Variants in RBMS3 observed in about 807,000 individuals in gnomAD.
The protein encoded by RBMS3 is RNA-binding motif, single-stranded-interacting protein 3.
A neutral mutation model predicts 66.8 loss-of-function variants in RBMS3; 27 were observed. The observed-to-expected ratio is 0.40, with a 90% CI of 0.30 to 0.56. The LOEUF (loss-of-function observed/expected upper bound fraction) is 0.56, where lower values mean the gene tolerates loss of function less well. Among genes scored for constraint, RBMS3 ranks in the 20% least tolerant of loss-of-function variants. The pLI is 0.40. For synonymous variants in RBMS3, 188 were observed against 183.0 expected (o/e 1.03, Z -0.22); for missense variants, 513 against 549.5 (o/e 0.93, Z 0.66).
At chr3:29,401,420 C>A (rs2039804490) in intron 1 of RBMS3, among the ~76,000 whole-genome samples, 1 of 151,984 alleles carries the variant, frequency 6.6e-6, no homozygotes, top group South Asian at 2.1e-4. Flanking sequence ...GCATTTACAG[C>A]CTAACATTTC....
intron 6 of RBMS3, among the ~76,000 whole-genome samples, chr3:29,794,438 T>C (rs2057114513): frequency 6.6e-6 from 1 of 151,882 alleles, no homozygotes; most frequent in Admixed American, 6.6e-5. Flanking sequence ...TACAAAAAAT[T>C]AGCCAGGCAT....
At chr3:29,409,358 C>A (rs2040168547) in intron 1 of RBMS3, among the ~76,000 whole-genome samples, 1 of 151,922 alleles carries the variant, frequency 6.6e-6, no homozygotes, top group Admixed American at 6.6e-5. Flanking sequence ...TTATCTCATT[C>A]TCCAGAGTCT....
intron 9 of RBMS3, among the ~76,000 whole-genome samples, chr3:29,898,781 T>C (rs545493645): frequency 1.5e-4 from 23 of 149,032 alleles, no homozygotes; most frequent in Non-Finnish European, 1.3e-4. Flanking sequence ...CCTTTTTTTT[T>C]CTAATCTTGG....
At chr3:29,917,353 A>G (rs780790841) in intron 10 of RBMS3, among the ~76,000 whole-genome samples, 2 of 152,036 alleles carry the variant, frequency 1.3e-5, no homozygotes, top group African/African-American at 4.8e-5. Flanking sequence ...AGACGCTTAG[A>G]TGTTCCAAAA....
chr3:29,853,894 G>C (rs994619690), intron 6 of RBMS3, among the ~76,000 whole-genome samples: 1 of 152,142 alleles, frequency 6.6e-6, no homozygotes, highest in Non-Finnish European at 1.5e-5. Context: ...AGGGAGACCT[G>C]GGTGATCAGC....
intron 4 of RBMS3, among the ~76,000 whole-genome samples, chr3:29,706,362 A>G (rs1408088729): frequency 1.3e-5 from 2 of 152,174 alleles, no homozygotes; most frequent in Admixed American, 6.5e-5. Context: ...TTTCTTTGCT[A>G]TGCAAGGAGG....
At chr3:29,974,071 A>G (rs1361984364) in intron 12 of RBMS3, among the ~76,000 whole-genome samples, 1 of 151,882 alleles carries the variant, frequency 6.6e-6, no homozygotes, top group African/African-American at 2.4e-5. Context: ...ATTCTTTTGA[A>G]CAGCTGGATA....
intron 11 of RBMS3, among the ~76,000 whole-genome samples, chr3:29,941,965 T>C (rs1175061077): frequency 6.6e-6 from 1 of 151,844 alleles, no homozygotes; most frequent in Non-Finnish European, 1.5e-5. Context: ...GATAGCAAGG[T>C]AGTCAGTCGA....
chr3:29,651,284 T>C (rs2050135984), intron 4 of RBMS3, among the ~76,000 whole-genome samples: 1 of 152,240 alleles, frequency 6.6e-6, no homozygotes, highest in Non-Finnish European at 1.5e-5. Flanking sequence ...AGAAACAGCA[T>C]CTAATATTGC....
intron 2 of RBMS3, among the ~76,000 whole-genome samples, chr3:29,472,194 AT>A (rs11326167): frequency 0.2 from 27,988 of 139,818 alleles, 2,494 homozygotes; most frequent in African/African-American, 0.24. Flanking sequence ...GCCTCTTCTA[AT>A]TTTTTTTTTT....
intron 2 of RBMS3, among the ~76,000 whole-genome samples, chr3:29,443,473 T>C (rs982605107): frequency 2.6e-5 from 4 of 152,156 alleles, no homozygotes; most frequent in African/African-American, 9.7e-5. Flanking sequence ...TTGTAAGTAA[T>C]GACTAGGAGG....
At chr3:29,772,646 C>T (rs942878197) in intron 6 of RBMS3, among the ~76,000 whole-genome samples, 1 of 151,736 alleles carries the variant, frequency 6.6e-6, no homozygotes, top group Non-Finnish European at 1.5e-5. Context: ...CATAGGAGGT[C>T]GGTGGTTGGA....
intron 2 of RBMS3, among the ~76,000 whole-genome samples, chr3:29,459,781 A>C (rs575968572): frequency 6.6e-6 from 1 of 152,352 alleles, no homozygotes; most frequent in African/African-American, 2.4e-5. Context: ...TCTGTAATAT[A>C]GGCCCTTTGG....
chr3:29,759,591 A>G (rs1335394840), intron 5 of RBMS3, among the ~76,000 whole-genome samples: 1 of 152,096 alleles, frequency 6.6e-6, no homozygotes, highest in African/African-American at 2.4e-5. Flanking sequence ...GTCAGTTTCA[A>G]CTGAAGCGTG....
chr3:29,806,942 A>G (rs2057569038), intron 6 of RBMS3, among the ~76,000 whole-genome samples: 1 of 151,918 alleles, frequency 6.6e-6, no homozygotes, highest in Admixed American at 6.6e-5. Context: ...ATTTTTTCCA[A>G]TATTATAAAC....
At chr3:29,446,057 A>C (rs2041819801) in intron 2 of RBMS3, among the ~76,000 whole-genome samples, 1 of 152,192 alleles carries the variant, frequency 6.6e-6, no homozygotes, top group Non-Finnish European at 1.5e-5. Flanking sequence ...GATTTTTTAA[A>C]ATATAATCAT....
rs1699874139 is a variant in RBMS3 at position 30,008,705 on chromosome 3, T to G, written c.*4843T>G. The G allele has an allele frequency of 6.6e-6, 1 of 152,100 alleles. No homozygotes were observed. Among genetic ancestry groups the G allele is most frequent in the Non-Finnish European group, 1.5e-5 (1 of 67,978 alleles). The allele number at this position is 152,100 out of a possible 1,614,324, so 9.4% of individuals were successfully genotyped here. On this transcript the variant is annotated 3_prime_UTR_variant, in exon 15 of 15. Coordinates refer to ENST00000383767, the MANE Select transcript of RBMS3 (RefSeq NM_001003793.3). Reference sequence around the variant, plus strand: ...GATTTCATTAATGAATCAATTTGTTTTACAAATGACATCCACTGTGGCATT... The same window carrying G: ...GATTTCATTAATGAATCAATTTGTTGTACAAATGACATCCACTGTGGCATT...
chr3:29,899,219 T>G (rs1275254838), intron 9 of RBMS3, among the ~76,000 whole-genome samples: 4 of 151,714 alleles, frequency 2.6e-5, no homozygotes. Flanking sequence ...CTGCCCCAAA[T>G]TTTTGGTTTA....
intron 10 of RBMS3, among the ~76,000 whole-genome samples, chr3:29,931,644 A>AAACAG (rs1438323955): frequency 7.2e-5 from 11 of 151,898 alleles, no homozygotes; most frequent in Admixed American, 7.2e-4. Context: ...AAACAAAACA[A>AAACAG]AACAAAACAA....
Sources: gnomAD v4.1 joint callset for allele counts (sites outside exome capture counted in the v4.1 genomes callset) on GRCh38, gnomAD v4.1.1 for gene constraint, MANE v1.5 for transcripts, NCBI Gene and HGNC (gene_info 2026-07-23, HGNC 2026-07-21) for gene names.